TCF12: variants seen among roughly 807,000 people sequenced by gnomAD.
TCF12 encodes transcription factor 12.
TCF12 carries 45 observed loss-of-function variants against 86.0 expected under a neutral mutation model. The observed-to-expected ratio is 0.52, with a 90% confidence interval of 0.41 to 0.67. The LOEUF (loss-of-function observed/expected upper bound fraction) is 0.67. TCF12 is among the 30% of genes least tolerant of loss of function. TCF12 has a pLI of 0.00. For synonymous variants in TCF12, 330 were observed against 299.6 expected, an observed-to-expected ratio of 1.10 and a Z score of -1.05; for missense variants, 881 against 859.9, an observed-to-expected ratio of 1.02 and a Z score of -0.31.
intron 5 of TCF12, among the ~76,000 whole-genome samples, chr15:57,128,668 C>T (rs1208001250): frequency 2.0e-5 from 3 of 152,164 alleles, no homozygotes; most frequent in African/African-American, 7.2e-5. Context: ...GAGGAAACCC[C>T]GTACCTATTA....
At position 57,031,632 on chromosome 15, in the gene TCF12, G is replaced by A. The variant is rs8034901; in HGVS notation, c.149-32118G>A. ...TGGACAGAATACATGGTCACCAGCT[G>A]CAGGCAGATAGAGAAAGAACATCAG... On this transcript the variant is annotated intron_variant, in intron 3 of 20. Transcript: ENST00000333725. 1.5e-3 allele frequency among the ~76,000 whole-genome samples: 233 copies of A among 152,282 alleles called. 1 individual carries two copies. Among genetic ancestry groups the A allele is most frequent in the African/African-American group, 5.5e-3 (229 of 41,552 alleles).
At chr15:56,935,499 T>C (rs911271573) in intron 3 of TCF12, among the ~76,000 whole-genome samples, 11 of 152,078 alleles carry the variant, frequency 7.2e-5, no homozygotes, top group African/African-American at 2.7e-4. Flanking sequence ...TTCCGTAGGT[T>C]TTTGGGGAAC....
In TCF12 at chr15:57,091,771, A is replaced by T. The variant is rs1464464298; in HGVS notation, c.223-18A>T. On this transcript the variant is annotated intron_variant, in intron 4 of 20. Coordinates refer to ENST00000333725, the MANE Select transcript of TCF12 (RefSeq NM_207037.2). Reference sequence around the variant, plus strand: ...GCCAAATAATCTCTTTAATACTCTGATCTTTTTCTCCCCCTAGGGTTTTAC... The same window carrying T: ...GCCAAATAATCTCTTTAATACTCTGTTCTTTTTCTCCCCCTAGGGTTTTAC... The T allele has an allele frequency of 2.5e-6, 4 of 1,593,622 alleles. No individual in the cohort carries two copies. Among genetic ancestry groups the T allele is most frequent in the Admixed American group, 3.3e-5 (2 of 59,916 alleles).
intron 8 of TCF12, among the ~76,000 whole-genome samples, chr15:57,215,583 C>T (rs2058298959): frequency 6.6e-6 from 1 of 152,026 alleles, no homozygotes; most frequent in Admixed American, 6.6e-5. Flanking sequence ...TTTAGGTTTA[C>T]TTTTCCAGCC....
chr15:57,011,437 C>T (rs950524179), intron 3 of TCF12, among the ~76,000 whole-genome samples: 3 of 152,132 alleles, frequency 2.0e-5, no homozygotes, highest in African/African-American at 2.4e-5. Flanking sequence ...ATCAGAAGCA[C>T]ATTCTAGGTC....
At chr15:57,092,299 C>G (rs1032053020) in intron 5 of TCF12, among the ~76,000 whole-genome samples, 1 of 152,122 alleles carries the variant, frequency 6.6e-6, no homozygotes, top group Non-Finnish European at 1.5e-5. Flanking sequence ...TTGCATTGGA[C>G]AATATTTCTC....
intron 3 of TCF12, among the ~76,000 whole-genome samples, chr15:56,992,117 A>G (rs2063488881): frequency 1.3e-5 from 2 of 151,918 alleles, no homozygotes; most frequent in Admixed American, 6.6e-5. Flanking sequence ...AGAAAAAAAA[A>G]AAACCTAGTT....
At chr15:57,098,753 A>C (rs115454961) in intron 5 of TCF12, among the ~76,000 whole-genome samples, 1,907 of 152,326 alleles carry the variant, frequency 0.013, 39 homozygotes, top group African/African-American at 0.043. Flanking sequence ...ACCTAACTTA[A>C]ACCGGGTGAA....
At chr15:56,948,154 C>T (rs1330700123) in intron 3 of TCF12, among the ~76,000 whole-genome samples, 3 of 151,368 alleles carry the variant, frequency 2.0e-5, no homozygotes, top group Non-Finnish European at 2.9e-5. Context: ...TGGGATCTCA[C>T]TCTGTTGCCC....
At chr15:57,174,780 T>C (rs79405077) in intron 6 of TCF12, among the ~76,000 whole-genome samples, 3,514 of 152,272 alleles carry the variant, frequency 0.023, 77 homozygotes, top group Non-Finnish European at 0.034. Context: ...CTTATAGTAG[T>C]ATCCAAAAGC....
At chr15:57,046,153 C>G (rs1356872642) in intron 3 of TCF12, among the ~76,000 whole-genome samples, 2 of 152,212 alleles carry the variant, frequency 1.3e-5, no homozygotes, top group Non-Finnish European at 2.9e-5. Context: ...ATTTAATTCT[C>G]AGCCTCACTC....
At chr15:57,046,627 AT>A (rs200411603) in intron 3 of TCF12, among the ~76,000 whole-genome samples, 1 of 150,460 alleles carries the variant, frequency 6.6e-6, no homozygotes, top group East Asian at 1.9e-4. Context: ...ATGTTTTTTG[AT>A]TTTTTTTTAG....
At chr15:57,095,409 C>T (rs2049257889) in intron 5 of TCF12, among the ~76,000 whole-genome samples, 1 of 152,148 alleles carries the variant, frequency 6.6e-6, no homozygotes, top group African/African-American at 2.4e-5. Context: ...GATCAGTTTA[C>T]TGGTTGAACT....
chr15:57,223,079 G>A (rs1448164802), intron 8 of TCF12, among the ~76,000 whole-genome samples: 1 of 151,918 alleles, frequency 6.6e-6, no homozygotes, highest in Non-Finnish European at 1.5e-5. Context: ...CTATTCTGTG[G>A]GAGGAACTGT....
At chr15:57,145,415 A>G (rs550752980) in intron 5 of TCF12, among the ~76,000 whole-genome samples, 2 of 152,232 alleles carry the variant, frequency 1.3e-5, no homozygotes, top group African/African-American at 4.8e-5. Context: ...GAATAATAAA[A>G]CTTGATTATC....
intron 16 of TCF12, among the ~76,000 whole-genome samples, chr15:57,254,857 C>CAA (rs777934020): frequency 1.3e-4 from 13 of 102,580 alleles, no homozygotes; most frequent in South Asian, 6.5e-4. Flanking sequence ...GACCCTGTCT[C>CAA]AAAAAAAAAA....
intron 3 of TCF12, among the ~76,000 whole-genome samples, chr15:57,035,120 A>G (rs1289863461): frequency 2.0e-5 from 3 of 152,164 alleles, no homozygotes; most frequent in East Asian, 1.9e-4. Context: ...CAACCCCCCA[A>G]TGAGATTGGT....
At chr15:57,129,028 G>C (rs901272280) in intron 5 of TCF12, among the ~76,000 whole-genome samples, 6 of 152,140 alleles carry the variant, frequency 3.9e-5, no homozygotes, top group Admixed American at 6.5e-5. Flanking sequence ...CGTATTTTCA[G>C]TTCTCTTGGG....
At chr15:57,133,831 T>C (rs1346106121) in intron 5 of TCF12, among the ~76,000 whole-genome samples, 1 of 152,204 alleles carries the variant, frequency 6.6e-6, no homozygotes, top group Non-Finnish European at 1.5e-5. Flanking sequence ...CTTTTCTCTT[T>C]TTACCTATTT....
Sources: allele counts gnomAD v4.1 joint callset (sites outside exome capture counted in the v4.1 genomes callset), GRCh38; gene constraint gnomAD v4.1.1; transcripts MANE v1.5; gene names NCBI Gene and HGNC (gene_info 2026-07-23, HGNC 2026-07-21).